Variants in OSBPL1A observed in about 807,000 individuals in gnomAD.
OSBPL1A encodes oxysterol-binding protein-related protein 1.
OSBPL1A carries 80 observed loss-of-function variants against 137.1 expected under a neutral mutation model. The observed-to-expected ratio is 0.58, with a 90% CI of 0.49 to 0.70. OSBPL1A has a LOEUF of 0.70. Among genes scored for constraint, OSBPL1A ranks in the 30% least tolerant of loss-of-function variants. The probability of loss-of-function intolerance (pLI) is 0.00; values close to 1 mark genes in which losing one functional copy is unlikely to be tolerated. For missense variants in OSBPL1A, 970 were observed against 1,129.4 expected, an observed-to-expected ratio of 0.86 and a Z score of 2.02; for synonymous variants, 365 against 389.7, an observed-to-expected ratio of 0.94 and a Z score of 0.75.
At chr18:24,364,768 TC>T (rs1051461438) in intron 4 of OSBPL1A, 1 of 152,094 alleles carries the variant, frequency 6.6e-6, no homozygotes, top group Admixed American at 6.6e-5. Context: ...ATGCCTGTAA[TC>T]CCGACACTCT....
At chr18:24,382,911 TTAAA>T (rs1906703129) in intron 1 of OSBPL1A, among the ~76,000 whole-genome samples, 1 of 152,040 alleles carries the variant, frequency 6.6e-6, no homozygotes, top group African/African-American at 2.4e-5. Context: ...AAAAAAATGT[TTAAA>T]TAATTTATAA....
intron 19 of OSBPL1A, 42 bp from the exon 20 acceptor site, chr18:24,179,877 T>C: frequency 6.6e-7 from 1 of 1,507,572 alleles, no homozygotes; most frequent in Middle Eastern, 1.7e-4. Flanking sequence ...ATAGCCGAGC[T>C]CGCTCCGCAT....
chr18:24,386,389 C>T (rs1906965575), intron 1 of OSBPL1A, among the ~76,000 whole-genome samples: 1 of 152,172 alleles, frequency 6.6e-6, no homozygotes, highest in Non-Finnish European at 1.5e-5. Context: ...ATTAATACTA[C>T]ATATTCCAAG....
intron 15 of OSBPL1A, among the ~76,000 whole-genome samples, chr18:24,280,196 T>C (rs973010928): frequency 3.3e-5 from 5 of 152,126 alleles, no homozygotes. Flanking sequence ...TTGCCCACCT[T>C]AGCCTCCCAA....
At chr18:24,198,204 ACG>A (rs1381757418) in intron 17 of OSBPL1A, among the ~76,000 whole-genome samples, 3 of 152,210 alleles carry the variant, frequency 2.0e-5, no homozygotes, top group Non-Finnish European at 4.4e-5. Flanking sequence ...CCCCCAACAA[ACG>A]CTGACATTAA....
At position 24,170,435 on chromosome 18, in the gene OSBPL1A, G is replaced by T. The variant is rs769895944; in HGVS notation, c.2310C>A (p.Ala770=). ...IQDKSKKKLC[A]LYGKWTECLY... is the part of the protein sequence containing the mutation. ...AACATTCAGTCCACTTCCCATAGAG[G>T]GCACAGAGCTTCTTTTTGCTGTCAA... Residue 770 remains alanine, a synonymous_variant, in exon 24 of 28, where the codon GCC becomes GCA. Transcript: ENST00000319481. 10 of 1,613,854 alleles carry T rather than the reference G, an allele frequency of 6.2e-6. No individual in the cohort carries two copies. The Admixed American group carries it at 1.7e-4, about 27-fold the overall frequency.
intron 14 of OSBPL1A, among the ~76,000 whole-genome samples, chr18:24,294,851 T>C (rs2090260792): frequency 6.6e-6 from 1 of 152,228 alleles, no homozygotes; most frequent in Admixed American, 6.5e-5. Context: ...TCTTTTGCAA[T>C]TGTGAATTGT....
At chr18:24,277,222 G>A (rs963582379) in intron 15 of OSBPL1A, among the ~76,000 whole-genome samples, 4 of 151,860 alleles carry the variant, frequency 2.6e-5, no homozygotes, top group African/African-American at 4.8e-5. Flanking sequence ...AATAATTATT[G>A]ACATACAAAA....
At chr18:24,193,380 C>T (rs950530898) in intron 18 of OSBPL1A, among the ~76,000 whole-genome samples, 3 of 150,956 alleles carry the variant, frequency 2.0e-5, no homozygotes, top group African/African-American at 4.9e-5. Flanking sequence ...CCCAGCTACT[C>T]GGGAGGCTGA....
chr18:24,327,912 TATTA>T, intron 7 of OSBPL1A, among the ~76,000 whole-genome samples: 1 of 152,184 alleles, frequency 6.6e-6, no homozygotes, highest in South Asian at 2.1e-4. Flanking sequence ...TATGGAACTA[TATTA>T]ATTCTTATTT....
At chr18:24,330,870 C>T (rs906993758) in intron 7 of OSBPL1A, among the ~76,000 whole-genome samples, 4 of 152,196 alleles carry the variant, frequency 2.6e-5, no homozygotes, top group African/African-American at 9.7e-5. Context: ...TCTCGCCTCA[C>T]TGCAACCTCC....
chr18:24,384,459 A>T (rs1032007108), intron 1 of OSBPL1A, among the ~76,000 whole-genome samples: 1 of 152,142 alleles, frequency 6.6e-6, no homozygotes, highest in African/African-American at 2.4e-5. Context: ...CTGTAGTCCC[A>T]GCGACTTGGG....
intron 16 of OSBPL1A, among the ~76,000 whole-genome samples, chr18:24,229,819 C>T (rs1026890714): frequency 3.3e-5 from 5 of 151,752 alleles, no homozygotes; most frequent in Admixed American, 6.6e-5. Context: ...GGCACGATCT[C>T]GGCTCACTGC....
At chr18:24,386,369 G>A (rs1906964131) in intron 1 of OSBPL1A, among the ~76,000 whole-genome samples, 1 of 152,124 alleles carries the variant, frequency 6.6e-6, no homozygotes, top group South Asian at 2.1e-4. Context: ...ATTCTCTCAC[G>A]TTCAAAGCAA....
At chr18:24,329,514 C>A (rs1464927618) in intron 7 of OSBPL1A, among the ~76,000 whole-genome samples, 2 of 147,294 alleles carry the variant, frequency 1.4e-5, no homozygotes, top group African/African-American at 5.0e-5. Context: ...CGCGCCACTG[C>A]ACTCCAACCT....
chr18:24,245,453 G>C (rs988392445), intron 15 of OSBPL1A, among the ~76,000 whole-genome samples: 1 of 152,132 alleles, frequency 6.6e-6, no homozygotes, highest in African/African-American at 2.4e-5. Context: ...TTCACGGTAT[G>C]TGCTTTTAGG....
chr18:24,196,989 C>A (rs1422015181), intron 17 of OSBPL1A, among the ~76,000 whole-genome samples: 1 of 152,194 alleles, frequency 6.6e-6, no homozygotes, highest in Non-Finnish European at 1.5e-5. Context: ...ATGGCAGCAC[C>A]ATCAGGAATG....
intron 15 of OSBPL1A, among the ~76,000 whole-genome samples, chr18:24,278,113 G>T (rs937293172): frequency 6.6e-6 from 1 of 152,064 alleles, no homozygotes; most frequent in African/African-American, 2.4e-5. Flanking sequence ...ATTAAAAACG[G>T]GTCCACCAGA....
chr18:24,217,272 T>C (rs2087734269), intron 17 of OSBPL1A, among the ~76,000 whole-genome samples: 1 of 151,282 alleles, frequency 6.6e-6, no homozygotes, highest in African/African-American at 2.4e-5. Flanking sequence ...TTTTTTTTTT[T>C]TTTGAGACAG....
Sources: allele counts gnomAD v4.1 joint callset (sites outside exome capture counted in the v4.1 genomes callset), GRCh38; gene constraint gnomAD v4.1.1; transcripts MANE v1.5; gene names NCBI Gene and HGNC (gene_info 2026-07-23, HGNC 2026-07-21).